The following TMEM38B variants were observed in gnomAD, a reference collection of about 807,000 sequenced individuals.
TMEM38B encodes trimeric intracellular cation channel type B.
In TMEM38B, 24 loss-of-function variants were observed where a neutral mutation model predicts 28.7. The ratio of observed to expected loss-of-function variants is 0.84; its 90% CI spans 0.61 to 1.18. The LOEUF (loss-of-function observed/expected upper bound fraction) is 1.18. Ranked by LOEUF, TMEM38B falls within the 50% of genes most tolerant of loss-of-function variation. TMEM38B has a pLI of 0.00. For synonymous variants in TMEM38B, 131 were observed against 127.7 expected (o/e 1.03, Z -0.17); for missense variants, 380 against 350.9 (o/e 1.08, Z -0.66).
intron 2 of TMEM38B, among the ~76,000 whole-genome samples, chr9:105,708,875 TA>T (rs1362532025): frequency 6.6e-6 from 1 of 151,960 alleles, no homozygotes; most frequent in East Asian, 1.9e-4. Context: ...TATGTTGCTC[TA>T]ACTATACTGG....
chr9:105,773,647 C>T lies in TMEM38B; in HGVS notation c.661-218C>T, dbSNP rs572702467. On this transcript the variant is annotated intron_variant, in intron 5 of 5. Coordinates refer to ENST00000374692, the MANE Select transcript of TMEM38B (RefSeq NM_018112.3). ...AGTGGTTATTCTACTCATTTGGCACCCCAAAATATGGTACCTTGTATTATT... is the reference window on the plus strand; with the variant it reads ...AGTGGTTATTCTACTCATTTGGCACTCCAAAATATGGTACCTTGTATTATT... 5.8e-4 allele frequency among the ~76,000 whole-genome samples: 88 copies of T among 152,094 alleles called. 1 individual carries two copies. The highest frequency in any genetic ancestry group is 9.7e-4 in the Non-Finnish European group (66 of 67,992).
chr9:105,760,089 A>AC, intron 5 of TMEM38B: 1 of 975,490 alleles, frequency 1.0e-6, no homozygotes, highest in Non-Finnish European at 1.6e-6. Context: ...GTTTGCTGCA[A>AC]CCTCATTTAG....
chr9:105,747,285 TC>T (rs1189119884), intron 4 of TMEM38B, among the ~76,000 whole-genome samples: 2 of 152,264 alleles, frequency 1.3e-5, no homozygotes, highest in Non-Finnish European at 2.9e-5. Flanking sequence ...AGATTCAATT[TC>T]TTCCTGGTTT....
intron 2 of TMEM38B, among the ~76,000 whole-genome samples, chr9:105,721,257 T>C (rs1836305932): frequency 6.6e-6 from 1 of 152,182 alleles, no homozygotes; most frequent in Non-Finnish European, 1.5e-5. Flanking sequence ...AGGCACAAAT[T>C]AAGAGCTCAC....
chr9:105,771,357 A>G (rs981026612), intron 5 of TMEM38B, among the ~76,000 whole-genome samples: 11 of 152,202 alleles, frequency 7.2e-5, no homozygotes, highest in African/African-American at 2.7e-4. Context: ...TCATGTGTCT[A>G]TCTCAGCTGT....
intron 5 of TMEM38B, among the ~76,000 whole-genome samples, chr9:105,751,618 T>G (rs1397488321): frequency 6.6e-6 from 1 of 152,180 alleles, no homozygotes; most frequent in Non-Finnish European, 1.5e-5. Flanking sequence ...TGGCATCTCA[T>G]AATTTAAGAC....
chr9:105,772,854 T>A (rs1248391688), intron 5 of TMEM38B, among the ~76,000 whole-genome samples: 1 of 152,178 alleles, frequency 6.6e-6, no homozygotes, highest in African/African-American at 2.4e-5. Flanking sequence ...ATTTTTCACT[T>A]TTTCTTTTCT....
chr9:105,756,182 T>C (rs1027007796), intron 5 of TMEM38B, among the ~76,000 whole-genome samples: 5 of 152,142 alleles, frequency 3.3e-5, no homozygotes, highest in Non-Finnish European at 5.9e-5. Context: ...AAATAGAAGG[T>C]AGATTCCTTA....
intron 5 of TMEM38B, among the ~76,000 whole-genome samples, chr9:105,751,263 C>T (rs1003818435): frequency 6.6e-6 from 1 of 152,186 alleles, no homozygotes; most frequent in Non-Finnish European, 1.5e-5. Flanking sequence ...GACCATGGCC[C>T]ACCTGGGAGC....
At chr9:105,762,009 CA>C (rs1838070995) in intron 5 of TMEM38B, among the ~76,000 whole-genome samples, 1 of 152,036 alleles carries the variant, frequency 6.6e-6, no homozygotes, top group South Asian at 2.1e-4. Flanking sequence ...AAACTTGAAG[CA>C]AGTCGCCTTC....
At chr9:105,757,755 C>A (rs1227335583) in intron 5 of TMEM38B, among the ~76,000 whole-genome samples, 1 of 151,874 alleles carries the variant, frequency 6.6e-6, no homozygotes, top group East Asian at 1.9e-4. Context: ...TACTTGGTGA[C>A]CTTAGTAAAA....
At chr9:105,739,682 G>A (rs567411293) in intron 4 of TMEM38B, among the ~76,000 whole-genome samples, 79 of 151,724 alleles carry the variant, frequency 5.2e-4, no homozygotes, top group African/African-American at 1.7e-3. Context: ...GTGCCACCAC[G>A]CCAGTCTAAT....
intron 5 of TMEM38B, chr9:105,759,140 A>G (rs1366582177): frequency 1.2e-5 from 9 of 777,322 alleles, no homozygotes; most frequent in Non-Finnish European, 2.2e-5. Flanking sequence ...TTGGATTTGA[A>G]CAAGATATAT....
At chr9:105,734,387 T>C (rs1223581967) in intron 4 of TMEM38B, among the ~76,000 whole-genome samples, 2 of 152,190 alleles carry the variant, frequency 1.3e-5, no homozygotes, top group East Asian at 3.8e-4. Context: ...GAATGTTTTA[T>C]GTGCACTAGA....
intron 5 of TMEM38B, chr9:105,759,467 T>G: frequency 1.3e-6 from 2 of 1,572,374 alleles, no homozygotes; most frequent in Non-Finnish European, 1.7e-6. Context: ...CTAGTTAATT[T>G]AAGAAACAGA....
rs1395088520 is a variant in TMEM38B, at chr9:105,774,873, A to G, written c.*793A>G. 1 of 151,756 alleles carries G rather than the reference A, an allele frequency of 6.6e-6. No homozygotes were observed. The highest frequency in any genetic ancestry group is 2.4e-5 in the African/African-American group (1 of 41,352). The allele number at this position is 151,756 out of a possible 1,614,324, so 9.4% of individuals were successfully genotyped here. ...AATTTTCATTTTAGGAGCTTGACTT[A>G]TTTTTTTCTCTCTCATAAAAACACA... On this transcript the variant is annotated 3_prime_UTR_variant, in exon 6 of 6. Coordinates refer to ENST00000374692, the MANE Select transcript of TMEM38B (RefSeq NM_018112.3).
chr9:105,699,457 C>G (rs1564382789), intron 1 of TMEM38B, among the ~76,000 whole-genome samples: 1 of 152,300 alleles, frequency 6.6e-6, no homozygotes, highest in East Asian at 1.9e-4. Context: ...CACTCTGCCA[C>G]TAACAATACC....
chr9:105,706,087 C>T (rs951167454), intron 2 of TMEM38B, among the ~76,000 whole-genome samples: 10 of 151,930 alleles, frequency 6.6e-5, no homozygotes, highest in African/African-American at 2.2e-4. Context: ...TTTGTAGAGA[C>T]GGGGTTTCAC....
intron 4 of TMEM38B, among the ~76,000 whole-genome samples, chr9:105,734,796 C>G (rs1836908984): frequency 6.6e-6 from 1 of 150,428 alleles, no homozygotes; most frequent in Non-Finnish European, 1.5e-5. Flanking sequence ...GTTTTTCATT[C>G]ATTTACTTTC....
Sources: gnomAD v4.1 joint callset for allele counts (sites outside exome capture counted in the v4.1 genomes callset) on GRCh38, gnomAD v4.1.1 for gene constraint, MANE v1.5 for transcripts, NCBI Gene and HGNC (gene_info 2026-07-23, HGNC 2026-07-21) for gene names.